Variants in UTRN observed in about 807,000 individuals in gnomAD.
UTRN encodes utrophin.
A neutral mutation model predicts 463.9 loss-of-function variants in UTRN; 283 were observed. The observed-to-expected ratio is 0.61, with a 90% CI of 0.55 to 0.67. The LOEUF (loss-of-function observed/expected upper bound fraction) is 0.67. UTRN is among the 30% of genes least tolerant of loss of function. UTRN has a pLI of 0.00. For missense variants in UTRN, 3,922 were observed against 4,084.3 expected (o/e 0.96, Z 1.08); for synonymous variants, 1,442 against 1,431.5 (o/e 1.01, Z -0.17).
chr6:144,587,380 CTG>C (rs1015699236), intron 51 of UTRN, among the ~76,000 whole-genome samples: 3 of 151,998 alleles, frequency 2.0e-5, no homozygotes, highest in African/African-American at 7.2e-5. Flanking sequence ...TGCTTTGTGG[CTG>C]TGTGTGTGTG....
chr6:144,544,604 A>C (rs1192354456), intron 46 of UTRN, among the ~76,000 whole-genome samples: 2 of 152,162 alleles, frequency 1.3e-5, no homozygotes, highest in East Asian at 3.9e-4. Context: ...ATTCATTTCA[A>C]ATAAGCACTC....
At chr6:144,510,219 A>C (rs4401687) in intron 34 of UTRN, among the ~76,000 whole-genome samples, 37,621 of 152,102 alleles carry the variant, frequency 0.25, 4,922 homozygotes, top group Middle Eastern at 0.35. Flanking sequence ...TTTTGATTGA[A>C]AGAGCTTTGT....
chr6:144,290,875 C>A (rs1459602191), intron 1 of UTRN, among the ~76,000 whole-genome samples: 3 of 149,536 alleles, frequency 2.0e-5, no homozygotes, highest in African/African-American at 7.5e-5. Flanking sequence ...AGCAATTCTC[C>A]TGCATTAGCC....
At chr6:144,453,124 C>G (rs190754395) in intron 18 of UTRN, among the ~76,000 whole-genome samples, 1 of 151,870 alleles carries the variant, frequency 6.6e-6, no homozygotes, top group East Asian at 1.9e-4. Flanking sequence ...TCCATTTTTT[C>G]TGTTTTCTTT....
In UTRN at chr6:144,700,257, C is replaced by A; in HGVS notation, c.7809+14C>A. ...GACCATTGTAAGGTAAGTGGATAAC[C>A]TATAGTGAGTCGCTTAATTCAAATT... On this transcript the variant is annotated intron_variant, in intron 53 of 74. Coordinates refer to ENST00000367545, the MANE Select transcript of UTRN (RefSeq NM_007124.3). 2 of 1,599,800 alleles carry A rather than the reference C, an allele frequency of 1.3e-6. No homozygotes were observed. Among genetic ancestry groups the A allele is most frequent in the Non-Finnish European group, 1.7e-6 (2 of 1,172,052 alleles).
intron 43 of UTRN, among the ~76,000 whole-genome samples, chr6:144,537,307 C>A (rs923582783): frequency 6.6e-6 from 1 of 151,810 alleles, no homozygotes; most frequent in Non-Finnish European, 1.5e-5. Context: ...CTTTTGTATT[C>A]AATTTCTACA....
In UTRN at chr6:144,697,543, AT is replaced by A. The variant is rs1420438052; in HGVS notation, c.7653-2543del. Among the ~76,000 whole-genome samples the A allele has an allele frequency of 2.0e-5, 3 of 152,198 alleles. No homozygotes were observed. The East Asian group carries it at 5.8e-4, about 29-fold the overall frequency. On this transcript the variant is annotated intron_variant, in intron 52 of 74. Coordinates refer to ENST00000367545, the MANE Select transcript of UTRN (RefSeq NM_007124.3). ...CAGAAGCATGCATTTATTTGAGCAT[AT>A]GGTAGTAATCCACTAAACACATAGT...
At chr6:144,454,260 T>G (rs1439629614) in intron 19 of UTRN, among the ~76,000 whole-genome samples, 1 of 152,196 alleles carries the variant, frequency 6.6e-6, no homozygotes, top group Non-Finnish European at 1.5e-5. Context: ...TTAAATTCAT[T>G]AAGGGTATTT....
At chr6:144,320,738 C>T (rs535156778) in intron 2 of UTRN, among the ~76,000 whole-genome samples, 4 of 152,166 alleles carry the variant, frequency 2.6e-5, no homozygotes, top group Non-Finnish European at 4.4e-5. Context: ...ACCACTCACT[C>T]GATTTTTCCA....
At chr6:144,377,278 C>G (rs1780546067) in intron 2 of UTRN, among the ~76,000 whole-genome samples, 1 of 152,140 alleles carries the variant, frequency 6.6e-6, no homozygotes, top group South Asian at 2.1e-4. Context: ...CTCAAGTGAT[C>G]TACCTGCCTC....
intron 2 of UTRN, among the ~76,000 whole-genome samples, chr6:144,402,706 T>A (rs1187314249): frequency 6.6e-6 from 1 of 152,016 alleles, no homozygotes; most frequent in Non-Finnish European, 1.5e-5. Flanking sequence ...AATTCCTGAG[T>A]TTTTATTGGA....
chr6:144,596,002 G>A (rs2128634078), intron 51 of UTRN, among the ~76,000 whole-genome samples: 1 of 152,236 alleles, frequency 6.6e-6, no homozygotes, highest in African/African-American at 2.4e-5. Flanking sequence ...GCTCTATTTT[G>A]AAGTAATTGC....
At chr6:144,530,171 T>C (rs765600280) in intron 41 of UTRN, among the ~76,000 whole-genome samples, 11 of 152,266 alleles carry the variant, frequency 7.2e-5, no homozygotes, top group Non-Finnish European at 1.6e-4. Flanking sequence ...CAACAGACAT[T>C]TACTTTCCCA....
chr6:144,700,534 A>G (rs1480002914), intron 53 of UTRN, among the ~76,000 whole-genome samples: 4 of 151,976 alleles, frequency 2.6e-5, no homozygotes, highest in Non-Finnish European at 5.9e-5. Context: ...TAGAATCATA[A>G]TATATTGAGG....
At chr6:144,302,152 CT>C (rs1805334384) in intron 2 of UTRN, among the ~76,000 whole-genome samples, 2 of 152,092 alleles carry the variant, frequency 1.3e-5, no homozygotes, top group Admixed American at 1.3e-4. Flanking sequence ...GTCTATATGC[CT>C]TTTTTCATCT....
At chr6:144,598,692 A>T (rs1334998090) in intron 51 of UTRN, among the ~76,000 whole-genome samples, 3 of 152,156 alleles carry the variant, frequency 2.0e-5, no homozygotes, top group Non-Finnish European at 2.9e-5. Flanking sequence ...TCATGTTGAT[A>T]TCTTGTTACT....
intron 23 of UTRN, among the ~76,000 whole-genome samples, chr6:144,471,512 A>G (rs896912156): frequency 1.3e-5 from 2 of 152,228 alleles, no homozygotes; most frequent in African/African-American, 2.4e-5. Context: ...GAGAATTTTT[A>G]AAGTCATTTT....
chr6:144,791,035 G>A (rs1388607352), intron 62 of UTRN, among the ~76,000 whole-genome samples: 1 of 152,156 alleles, frequency 6.6e-6, no homozygotes, highest in Non-Finnish European at 1.5e-5. Flanking sequence ...AATTAAATAT[G>A]AAATCTCTTG....
intron 51 of UTRN, among the ~76,000 whole-genome samples, chr6:144,672,565 GGTTAATCATGTTAAT>G (rs1326699138): frequency 6.8e-4 from 104 of 151,868 alleles, no homozygotes; most frequent in Non-Finnish European, 1.5e-5. Context: ...TTCTTTTCTT[GGTTAATCATGTTAAT>G]GGTCTATCAG....
Sources: allele counts gnomAD v4.1 joint callset (sites outside exome capture counted in the v4.1 genomes callset), GRCh38; gene constraint gnomAD v4.1.1; transcripts MANE v1.5; gene names NCBI Gene and HGNC (gene_info 2026-07-23, HGNC 2026-07-21).